ECE1: variants seen among roughly 807,000 people sequenced by gnomAD.
ECE1 encodes the protein endothelin-converting enzyme 1.
A neutral mutation model predicts 98.6 loss-of-function variants in ECE1; 35 were observed. That is an observed-to-expected ratio of 0.35 (90% CI 0.27 to 0.47). The LOEUF (loss-of-function observed/expected upper bound fraction) is 0.47. Ranked by LOEUF, ECE1 falls within the 20% of genes least tolerant of loss-of-function variation. The pLI, the probability that ECE1 is intolerant of heterozygous loss-of-function variation, is 1.00. For synonymous variants in ECE1, 394 were observed against 407.1 expected, an observed-to-expected ratio of 0.97 and a Z score of 0.39; for missense variants, 814 against 1,025.3, an observed-to-expected ratio of 0.79 and a Z score of 2.81.
intron 1 of ECE1, among the ~76,000 whole-genome samples, chr1:21,337,013 G>A (rs1471289751): frequency 6.6e-6 from 1 of 152,086 alleles, no homozygotes; most frequent in Admixed American, 6.6e-5. Context: ...CTCCAGCCTG[G>A]GCAACAAGAG....
chr1:21,219,566 T>G lies in ECE1; in HGVS notation c.*389A>C, dbSNP rs1230792277. 8 of 217,324 alleles carry G rather than the reference T, an allele frequency of 3.7e-5. No individual in the cohort carries two copies. Among genetic ancestry groups the G allele is most frequent in the Non-Finnish European group, 7.5e-5 (8 of 106,304 alleles). The allele number at this position is 217,324 out of a possible 1,614,324, so 13.5% of individuals were successfully genotyped here. A position where few individuals can be genotyped will look rare whatever the true frequency, so the allele number is the denominator to read the frequency against. ...AAAAAAAAAGTGTTTAAATGTGTTT[T>G]TCCCTGAAGATTTCCAGTGTATTCC... On this transcript the variant is annotated 3_prime_UTR_variant, in exon 19 of 19. Transcript: ENST00000374893. This position sits in a 1 kb window ranked among gnomAD's most constrained non-coding sequence, Gnocchi z 4.5.
chr1:21,310,416 T>C (rs1256838072), intron 1 of ECE1, among the ~76,000 whole-genome samples: 1 of 152,228 alleles, frequency 6.6e-6, no homozygotes, highest in Admixed American at 6.5e-5. Context: ...GCCTGTTTCC[T>C]GTGCCCTCCC....
Position 21,290,009 on chromosome 1 carries a change from G to A in ECE1, c.138+61C>T. ...AGGTAGGGGCGGGGGGCGCGGCAGC[G>A]GCAGCGCGCATGCCCGGGCCCGGGG... On this transcript the variant is annotated intron_variant, in intron 2 of 18. Transcript: ENST00000374893. This position sits in a 1 kb window ranked among gnomAD's most constrained non-coding sequence, Gnocchi z 7.3. The A allele has an allele frequency of 8.1e-7, 1 of 1,242,190 alleles. No individual in the cohort carries two copies. The highest frequency in any genetic ancestry group is 1.0e-6 in the Non-Finnish European group (1 of 983,782). The allele number at this position is 1,242,190 out of a possible 1,614,324, so 76.9% of individuals were successfully genotyped here. A position where few individuals can be genotyped will look rare whatever the true frequency, so the allele number is the denominator to read the frequency against.
Position 21,219,654 on chromosome 1 carries a change from T to TG in ECE1, c.*300dup, listed in dbSNP as rs1216709699. 8.5e-6 allele frequency: 4 copies of TG among 468,688 alleles called. No individual in the cohort carries two copies. The highest frequency in any genetic ancestry group is 7.7e-5 in the African/African-American group (4 of 51,646). 29.0% of individuals were successfully genotyped at this position (468,688 alleles called of 1,614,324 possible). A position where few individuals can be genotyped will look rare whatever the true frequency, so the allele number is the denominator to read the frequency against. The stretch of plus-strand genomic sequence containing the variant: ...TGAAAGCATTTGACACAGTGGTATT[T>TG]GTGGCGTATCTGGCGCTTGTCAGTG... On this transcript the variant is annotated 3_prime_UTR_variant, in exon 19 of 19. Transcript: ENST00000374893. The surrounding 1 kb of genome is among the most constrained non-coding windows in gnomAD (Gnocchi z 4.5).
chr1:21,315,753 G>A (rs1386074888), intron 1 of ECE1, among the ~76,000 whole-genome samples: 1 of 141,838 alleles, frequency 7.1e-6, no homozygotes, highest in Non-Finnish European at 1.5e-5. Context: ...GTGTGCCACT[G>A]CACTCCAGCC....
In ECE1 at chr1:21,225,110, C is replaced by T; in HGVS notation, c.2040+140G>A. Reference sequence around the variant, plus strand: ...TCGGCATCGCGATTGGTCCTCGCCACCCCCAATTTCGCAGAAGAGGAAACG... The same window carrying T: ...TCGGCATCGCGATTGGTCCTCGCCATCCCCAATTTCGCAGAAGAGGAAACG... On this transcript the variant is annotated intron_variant, in intron 17 of 18. Coordinates refer to ENST00000374893, the MANE Select transcript of ECE1 (RefSeq NM_001397.3). The surrounding 1 kb of genome is among the most constrained non-coding windows in gnomAD (Gnocchi z 5.3). 6 of 1,149,866 alleles carry T rather than the reference C, an allele frequency of 5.2e-6. No homozygotes were observed. Among genetic ancestry groups the T allele is most frequent in the Non-Finnish European group, 7.4e-6 (6 of 811,176 alleles). The allele number at this position is 1,149,866 out of a possible 1,614,324, so 71.2% of individuals were successfully genotyped here. A position where few individuals can be genotyped will look rare whatever the true frequency, so the allele number is the denominator to read the frequency against.
intron 8 of ECE1, among the ~76,000 whole-genome samples, chr1:21,248,670 G>A (rs1048854982): frequency 6.6e-6 from 1 of 151,334 alleles, no homozygotes; most frequent in Non-Finnish European, 1.5e-5. Context: ...TCATGTCTAG[G>A]CTCTAGTGCA....
chr1:21,223,717 G>GCCTC (rs2098170282), intron 17 of ECE1, among the ~76,000 whole-genome samples: 2 of 152,068 alleles, frequency 1.3e-5, no homozygotes, highest in Admixed American at 1.3e-4. Context: ...ACCCACCAAG[G>GCCTC]CCTCCCAAGG....
At chr1:21,236,461 C>T (rs980140127) in intron 12 of ECE1, among the ~76,000 whole-genome samples, 4 of 152,232 alleles carry the variant, frequency 2.6e-5, no homozygotes, top group African/African-American at 9.6e-5. Flanking sequence ...ACCAACCTGA[C>T]CCACATGGAG....
intron 1 of ECE1, among the ~76,000 whole-genome samples, chr1:21,304,770 C>T (rs1230523085): frequency 1.3e-5 from 2 of 152,100 alleles, no homozygotes; most frequent in African/African-American, 4.8e-5. Flanking sequence ...ACTCCTCAGC[C>T]CTCACTTGTG....
chr1:21,290,479 T>C, upstream of ECE1: 1 of 1,222,440 alleles, frequency 8.2e-7, no homozygotes, highest in Admixed American at 4.3e-5. This position sits in a 1 kb window ranked among gnomAD's most constrained non-coding sequence, Gnocchi z 7.3. Flanking sequence ...GGGCCAGGCG[T>C]TGCACCACCT....
intron 8 of ECE1, among the ~76,000 whole-genome samples, chr1:21,253,673 G>A (rs1389324984): frequency 1.9e-4 from 29 of 151,118 alleles, no homozygotes; most frequent in African/African-American, 6.8e-4. Flanking sequence ...TGAGGTGGGA[G>A]AATGGCGTGA....
At chr1:21,303,409 T>C (rs992224643) in intron 1 of ECE1, among the ~76,000 whole-genome samples, 2 of 152,232 alleles carry the variant, frequency 1.3e-5, no homozygotes, top group Admixed American at 6.5e-5. Flanking sequence ...GGCAAATCAC[T>C]TAATCCCTCT....
intron 1 of ECE1, among the ~76,000 whole-genome samples, chr1:21,342,999 C>G (rs1639431751): frequency 6.6e-6 from 1 of 152,130 alleles, no homozygotes; most frequent in Non-Finnish European, 1.5e-5. Flanking sequence ...GGTGCCAGAC[C>G]AGCCCCATTC....
intron 4 of ECE1, among the ~76,000 whole-genome samples, chr1:21,270,270 G>A (rs2098238752): frequency 3.3e-5 from 5 of 152,272 alleles, no homozygotes; most frequent in Admixed American, 2.0e-4. Context: ...GTCTGGGGTT[G>A]TGAGGATTAA....
At chr1:21,324,598 A>G (rs1639036469) in intron 1 of ECE1, among the ~76,000 whole-genome samples, 1 of 150,942 alleles carries the variant, frequency 6.6e-6, no homozygotes, top group Non-Finnish European at 1.5e-5. Context: ...CCCCTTTCCC[A>G]CATGAAGAGA....
intron 6 of ECE1, among the ~76,000 whole-genome samples, chr1:21,257,863 G>A (rs937656359): frequency 6.6e-6 from 1 of 152,170 alleles, no homozygotes; most frequent in African/African-American, 2.4e-5. Context: ...TACTTGCCTC[G>A]GCAAAGTGCC....
chr1:21,273,238 TC>T (rs1346991636), intron 3 of ECE1, among the ~76,000 whole-genome samples: 1 of 152,226 alleles, frequency 6.6e-6, no homozygotes, highest in African/African-American at 2.4e-5. Context: ...ACGCATGCAT[TC>T]ATTTATTCAG....
chr1:21,218,440 G>A lies in ECE1; in HGVS notation c.*1515C>T, dbSNP rs2098163487. ...GGAGGCCAAGGGCATCTAGGAGCAG[G>A]GGCTGTCTCCTTGGGGTGGAGACTG... On this transcript the variant is annotated 3_prime_UTR_variant, in exon 19 of 19. Transcript: ENST00000374893. The surrounding 1 kb of genome is among the most constrained non-coding windows in gnomAD (Gnocchi z 4.0). 1 of 152,674 alleles carries A rather than the reference G, an allele frequency of 6.5e-6. No individual in the cohort carries two copies. The allele number at this position is 152,674 out of a possible 1,614,324, so 9.5% of individuals were successfully genotyped here. A position where few individuals can be genotyped will look rare whatever the true frequency, so the allele number is the denominator to read the frequency against.
Sources: allele counts gnomAD v4.1 joint callset (sites outside exome capture counted in the v4.1 genomes callset), GRCh38; gene constraint gnomAD v4.1.1; non-coding constraint Gnocchi (gnomAD v3.1); transcripts MANE v1.5; gene names NCBI Gene and HGNC (gene_info 2026-07-23, HGNC 2026-07-21).